The following LOXHD1 variants were observed in gnomAD, a reference collection of about 807,000 sequenced individuals.
The protein encoded by LOXHD1 is lipoxygenase homology domain-containing protein 1.
Under a neutral mutation model 248.2 loss-of-function variants are expected in LOXHD1, and 205 were observed. The ratio of observed to expected loss-of-function variants is 0.83; its 90% CI spans 0.74 to 0.93. LOXHD1 has a LOEUF of 0.93. Ranked by LOEUF, LOXHD1 falls within the 40% of genes least tolerant of loss-of-function variation. The pLI, the probability that LOXHD1 is intolerant of heterozygous loss-of-function variation, is 0.00. For missense variants in LOXHD1, 2,930 were observed against 2,971.6 expected (o/e 0.99, Z 0.33); for synonymous variants, 1,113 against 1,162.8 (o/e 0.96, Z 0.87).
chr18:46,653,072 C>A (rs2039132505), intron 1 of LOXHD1, among the ~76,000 whole-genome samples: 1 of 152,108 alleles, frequency 6.6e-6, no homozygotes, highest in Non-Finnish European at 1.5e-5. Context: ...CGTGGTGAAA[C>A]CCCGTCTCTA....
chr18:46,504,112 C>CTGTTT (rs748712962), intron 37 of LOXHD1, among the ~76,000 whole-genome samples: 2 of 151,900 alleles, frequency 1.3e-5, no homozygotes, highest in African/African-American at 4.8e-5. Context: ...TTGTTTTTGA[C>CTGTTT]TGTTTTGTTT....
chr18:46,571,334 G>A (rs765860721), intron 15 of LOXHD1, among the ~76,000 whole-genome samples: 1 of 152,110 alleles, frequency 6.6e-6, no homozygotes, highest in Non-Finnish European at 1.5e-5. Flanking sequence ...GCCAGGTGTG[G>A]TGATGTACAC....
intron 38 of LOXHD1, among the ~76,000 whole-genome samples, chr18:46,485,977 C>T (rs1311142873): frequency 6.6e-6 from 1 of 151,984 alleles, no homozygotes; most frequent in African/African-American, 2.4e-5. Flanking sequence ...TTCCCTCTCC[C>T]TCCCCCACCC....
chr18:46,518,071 G>A (rs2035354573), intron 34 of LOXHD1, 58 bp downstream of exon 34: 39 of 1,547,630 alleles, frequency 2.5e-5, no homozygotes, highest in Non-Finnish European at 3.3e-5. Context: ...GGCAGGGTGG[G>A]GCAGAGGGGG....
At chr18:46,577,563 C>T in intron 14 of LOXHD1, 144 bp downstream of exon 14, 2 of 856,012 alleles carry the variant, frequency 2.3e-6, no homozygotes, top group Non-Finnish European at 1.8e-6. Context: ...TAAGCACCAC[C>T]AGCGAGGTCA....
At chr18:46,498,108 G>T (rs761475646) in intron 37 of LOXHD1, among the ~76,000 whole-genome samples, 3 of 152,202 alleles carry the variant, frequency 2.0e-5, no homozygotes, top group Non-Finnish European at 4.4e-5. Context: ...TCAGGGCTGT[G>T]GAGACCCCAG....
chr18:46,541,269 G>T (rs2036547337), intron 25 of LOXHD1, among the ~76,000 whole-genome samples: 1 of 152,076 alleles, frequency 6.6e-6, no homozygotes, highest in East Asian at 1.9e-4. Flanking sequence ...GTCTAGCAGG[G>T]TCCAGGCTGT....
In LOXHD1 at chr18:46,656,997, T is replaced by C. The variant is rs1384593055; in HGVS notation, c.37A>G (p.Ile13Val). 2.6e-6 allele frequency: 4 copies of C among 1,551,530 alleles called. No homozygotes were observed. Among genetic ancestry groups the C allele is most frequent in the African/African-American group, 1.4e-5 (1 of 73,052 alleles). ...PQKKRRRKKD[I>V]DFLALYEAEL... The stretch of plus-strand genomic sequence containing the variant: ...GCTTCGTACAGGGCCAGGAAGTCGA[T>C]GTCCTTCTTCCTCCGCCTTTTCTTC... The change falls in exon 1 of 41, where the codon ATC (isoleucine) becomes GTC (valine). Residue 13 changes from isoleucine (I) to valine (V), a missense_variant. Transcript: ENST00000642948.
chr18:46,562,978 T>C (rs2037561148), intron 18 of LOXHD1, 87 bp downstream of exon 18: 4 of 1,441,960 alleles, frequency 2.8e-6, no homozygotes, highest in Admixed American at 2.1e-5. Context: ...CGGGTGAGTA[T>C]TGACTGAGGA....
intron 1 of LOXHD1, among the ~76,000 whole-genome samples, chr18:46,655,290 G>A (rs2039165682): frequency 6.6e-6 from 1 of 152,208 alleles, no homozygotes; most frequent in South Asian, 2.1e-4. Context: ...TGCCTTGACT[G>A]TGCTCAGGGA....
intron 32 of LOXHD1, among the ~76,000 whole-genome samples, chr18:46,521,763 T>C (rs368601416): frequency 6.6e-6 from 1 of 152,268 alleles, no homozygotes; most frequent in South Asian, 2.1e-4. Context: ...ATCTCAAAGA[T>C]GGACCCCCAC....
rs1453387596 is a variant in LOXHD1, at chr18:46,541,959, CA to C, written c.3749-20del. On this transcript the variant is annotated intron_variant, in intron 24 of 40. Coordinates refer to ENST00000642948, the MANE Select transcript of LOXHD1 (RefSeq NM_001384474.1). ...GCCTTGCCTAGAGAGAGAGGAGACA[CA>C]AAACCCATCAAGGACCTGAGCAGAG... The C allele has an allele frequency of 1.6e-5, 24 of 1,544,452 alleles. No homozygotes were observed. Among genetic ancestry groups the C allele is most frequent in the South Asian group, 3.6e-5 (3 of 83,224 alleles).
chr18:46,569,395 CG>C, intron 16 of LOXHD1, 46 bp downstream of exon 16: 1 of 1,495,878 alleles, frequency 6.7e-7, no homozygotes, highest in Non-Finnish European at 9.1e-7. Context: ...AATGTGTGTT[CG>C]GAAATGGGTG....
chr18:46,605,248 C>T (rs752749957), intron 6 of LOXHD1, among the ~76,000 whole-genome samples: 1 of 152,156 alleles, frequency 6.6e-6, no homozygotes, highest in Non-Finnish European at 1.5e-5. Context: ...AAGATTTTGG[C>T]TGGGCGTGGT....
chr18:46,507,851 G>A lies in LOXHD1; in HGVS notation c.5518-139C>T, dbSNP rs187356221. The A allele has an allele frequency of 4.9e-3, 4,276 of 881,158 alleles. 87 individuals carry two copies. In the Admixed American group the frequency reaches 0.055, roughly 11 times the overall value. The allele number at this position is 881,158 out of a possible 1,614,324, so 54.6% of individuals were successfully genotyped here. On this transcript the variant is annotated intron_variant, in intron 35 of 40. Coordinates refer to ENST00000642948, the MANE Select transcript of LOXHD1 (RefSeq NM_001384474.1). The stretch of plus-strand genomic sequence containing the variant: ...ACAAGCGCTTGCGACTGAGACCCAC[G>A]GGGTGTGGAAAGGGCCCTTTCCAGG...
Position 46,657,012 on chromosome 18 carries a change from G to T in LOXHD1, c.22C>A (p.Arg8=). The change falls in exon 1 of 41, where the codon CGG becomes AGG. Residue 8 remains arginine (R), a synonymous_variant. Transcript: ENST00000642948. The part of the protein sequence containing the change: MMPQKKR[R]RKKDIDFLAL... Reference sequence around the variant, plus strand: ...AGGAAGTCGATGTCCTTCTTCCTCCGCCTTTTCTTCTGGGGCATCATTCTG... The same window carrying T: ...AGGAAGTCGATGTCCTTCTTCCTCCTCCTTTTCTTCTGGGGCATCATTCTG... 6.4e-7 allele frequency: 1 copy of T among 1,551,612 alleles called. No homozygotes were observed. Among genetic ancestry groups the T allele is most frequent in the Non-Finnish European group, 8.7e-7 (1 of 1,146,958 alleles).
rs1323336366 is a variant in LOXHD1, at chr18:46,569,516, C to A, written c.2170G>T (p.Asp724Tyr). 6 of 1,551,998 alleles carry A rather than the reference C, an allele frequency of 3.9e-6. No homozygotes were observed. In the East Asian group the frequency reaches 1.5e-4, roughly 38 times the overall value. The change falls in exon 16 of 41, where the codon GAC (aspartate) becomes TAC (tyrosine). Residue 724 changes from aspartate (D) to tyrosine (Y), a missense_variant. Asp to Tyr is a radical substitution (Grantham distance 160). Transcript: ENST00000642948. ...DTIKQVLLVS[D>Y]NNLKDYFERG... ...TCAAAGTAGTCTTTGAGGTTGTTGT[C>A]AGAGACAAGAAGAACTTGCTTGATG...
rs35606636 is a variant in LOXHD1, at chr18:46,617,539, CTT to C, written c.610+651_610+652del. Among the ~76,000 whole-genome samples the C allele has an allele frequency of 1.4e-4, 21 of 145,578 alleles. No individual in the cohort carries two copies. In the East Asian group the frequency reaches 3.6e-3, roughly 25 times the overall value. On this transcript the variant is annotated intron_variant, in intron 5 of 40. Transcript: ENST00000642948. ...CTAGCACTGGCACCTGGAGATTTCTCTTTTTTTTTTTTTCCTTATAAGCTTAG... is the reference window on the plus strand; with the variant it reads ...CTAGCACTGGCACCTGGAGATTTCTCTTTTTTTTTTTCCTTATAAGCTTAG...
At chr18:46,574,239 TAATA>T (rs2037810204) in intron 14 of LOXHD1, among the ~76,000 whole-genome samples, 1 of 152,112 alleles carries the variant, frequency 6.6e-6, no homozygotes, top group African/African-American at 2.4e-5. Context: ...TTCAGGGTAT[TAATA>T]GATATTTCCA....
Sources: allele counts gnomAD v4.1 joint callset (sites outside exome capture counted in the v4.1 genomes callset), GRCh38; gene constraint gnomAD v4.1.1; transcripts MANE v1.5; gene names NCBI Gene and HGNC (gene_info 2026-07-23, HGNC 2026-07-21).